Variants in TMEM108 observed in about 807,000 individuals in gnomAD.
TMEM108 encodes the protein cancer/testis antigen 124.
A neutral mutation model predicts 35.1 loss-of-function variants in TMEM108; 12 were observed. The observed-to-expected ratio is 0.34, with a 90% CI of 0.22 to 0.55. TMEM108 has a LOEUF of 0.55. Ranked by LOEUF, TMEM108 falls within the 20% of genes least tolerant of loss-of-function variation. The pLI, the probability that TMEM108 is intolerant of heterozygous loss-of-function variation, is 0.89. For synonymous variants in TMEM108, 287 were observed against 308.6 expected, an observed-to-expected ratio of 0.93 and a Z score of 0.73; for missense variants, 680 against 753.3, an observed-to-expected ratio of 0.90 and a Z score of 1.14.
At chr3:133,391,381 G>T (rs2073232533) in intron 5 of TMEM108, among the ~76,000 whole-genome samples, 2 of 152,156 alleles carry the variant, frequency 1.3e-5, no homozygotes, top group Admixed American at 1.3e-4. Flanking sequence ...TTCTTGTGGA[G>T]GTGCAACCCC....
At chr3:133,298,115 T>C (rs1336620602) in intron 3 of TMEM108, among the ~76,000 whole-genome samples, 1 of 152,070 alleles carries the variant, frequency 6.6e-6, no homozygotes, top group Non-Finnish European at 1.5e-5. Context: ...AGCAAGGAGG[T>C]GGCAGCCCCA....
intron 3 of TMEM108, among the ~76,000 whole-genome samples, chr3:133,248,829 C>T (rs570521277): frequency 2.5e-4 from 38 of 152,252 alleles, no homozygotes; most frequent in South Asian, 6.2e-4. Context: ...ATTATTATAG[C>T]AACTGTGAAA....
intron 3 of TMEM108, among the ~76,000 whole-genome samples, chr3:133,321,163 C>T (rs899457477): frequency 3.3e-5 from 5 of 152,264 alleles, no homozygotes; most frequent in Admixed American, 2.6e-4. Flanking sequence ...CAGTATGTCA[C>T]ATCTCAATAA....
At chr3:133,393,051 C>A (rs1199947511) in intron 5 of TMEM108, among the ~76,000 whole-genome samples, 1 of 152,178 alleles carries the variant, frequency 6.6e-6, no homozygotes, top group Non-Finnish European at 1.5e-5. Context: ...ACCTGAGCCC[C>A]CACCACACTT....
chr3:133,039,479 G>A (rs1943247554), intron 1 of TMEM108, among the ~76,000 whole-genome samples: 1 of 152,112 alleles, frequency 6.6e-6, no homozygotes, highest in African/African-American at 2.4e-5. Flanking sequence ...CGGGGGAGAT[G>A]GATTGTTGCC....
chr3:133,378,116 G>GA (rs914359720), intron 3 of TMEM108, among the ~76,000 whole-genome samples: 1 of 152,142 alleles, frequency 6.6e-6, no homozygotes, highest in Non-Finnish European at 1.5e-5. Context: ...TGAAAGTTTA[G>GA]AAAAAAATAG....
intron 2 of TMEM108, among the ~76,000 whole-genome samples, chr3:133,164,662 G>A (rs1945010880): frequency 6.6e-6 from 1 of 152,172 alleles, no homozygotes; most frequent in African/African-American, 2.4e-5. Flanking sequence ...TGACACAGTG[G>A]TGACTGTGGC....
At chr3:133,179,901 C>A (rs1165796909) in intron 2 of TMEM108, among the ~76,000 whole-genome samples, 10 of 151,372 alleles carry the variant, frequency 6.6e-5, no homozygotes, top group Admixed American at 2.0e-4. Flanking sequence ...AAAATGCAAC[C>A]CCTTATGAAT....
At chr3:133,376,051 A>G (rs778301227) in intron 3 of TMEM108, among the ~76,000 whole-genome samples, 4 of 152,242 alleles carry the variant, frequency 2.6e-5, no homozygotes, top group Admixed American at 6.5e-5. Context: ...AGAGAGAACA[A>G]TAACTTCAGG....
At position 133,166,805 on chromosome 3, in the gene TMEM108, G is replaced by A. The variant is rs151181428; in HGVS notation, c.-46-62461G>A. Among the ~76,000 whole-genome samples the A allele has an allele frequency of 9.0e-3, 1,378 of 152,328 alleles. 19 individuals are homozygous for A. Among genetic ancestry groups the A allele is most frequent in the African/African-American group, 0.031 (1,306 of 41,562 alleles). ...AGAGCTAAAGAACAAAGCTCCCACA[G>A]TGTGGAAGGGCACCTGAGTGGGTTG... is the stretch of plus-strand genomic sequence containing the variant. On this transcript the variant is annotated intron_variant, in intron 2 of 5. Transcript: ENST00000321871.
intron 3 of TMEM108, among the ~76,000 whole-genome samples, chr3:133,292,410 G>A (rs535454712): frequency 1.3e-5 from 2 of 152,154 alleles, no homozygotes; most frequent in Non-Finnish European, 2.9e-5. Flanking sequence ...TCCTCATTAG[G>A]CCCATTGCCA....
chr3:133,078,160 CACGCGCGCGCGCGCACACGTGTGTGTGT>C (rs1305759498), intron 2 of TMEM108, among the ~76,000 whole-genome samples: 1 of 23,168 alleles, frequency 4.3e-5, no homozygotes, highest in Admixed American at 4.5e-4. Flanking sequence ...TGTGTGTGTG[CACGCGCGCGCGCGCACACGTGTGTGTGT>C]ATATCTCAGA....
chr3:133,177,569 A>G (rs1157448988), intron 2 of TMEM108, among the ~76,000 whole-genome samples: 5 of 152,238 alleles, frequency 3.3e-5, no homozygotes, highest in Admixed American at 2.0e-4. Flanking sequence ...CAAAAACCAC[A>G]TGATTATCTC....
chr3:133,305,048 AC>A (rs1434015468), intron 3 of TMEM108, among the ~76,000 whole-genome samples: 1 of 151,932 alleles, frequency 6.6e-6, no homozygotes, highest in Non-Finnish European at 1.5e-5. Flanking sequence ...GCACCACTGC[AC>A]CCCCAGCCCA....
chr3:133,380,733 G>T lies in TMEM108; in HGVS notation c.1022G>T (p.Gly341Val), dbSNP rs2072986899. 1 of 1,613,930 alleles carries T rather than the reference G, an allele frequency of 6.2e-7. No individual in the cohort carries two copies. Among genetic ancestry groups the T allele is most frequent in the Admixed American group, 1.7e-5 (1 of 60,008 alleles). The stretch of plus-strand genomic sequence containing the variant: ...GACTCTTGGCTTACTGTTACCCCTG[G>T]CACCAGCAGACCTCTGTCTACCAGC... ...HSDSWLTVTP[G>V]TSRPLSTSSG... The change falls in exon 4 of 6, where the codon GGC becomes GTC. Residue 341 changes from glycine to valine, a missense_variant. Gly to Val is a moderately radical substitution (Grantham distance 109). This residue lies in a region of TMEM108 where 526 missense variants were observed against 532.1 expected (regional missense o/e 0.99). Coordinates refer to ENST00000321871, the MANE Select transcript of TMEM108 (RefSeq NM_023943.4). This position sits in a 1 kb window ranked among gnomAD's most constrained non-coding sequence, Gnocchi z 5.3.
chr3:133,163,557 C>G (rs1944992068), intron 2 of TMEM108, among the ~76,000 whole-genome samples: 1 of 152,064 alleles, frequency 6.6e-6, no homozygotes, highest in Admixed American at 6.5e-5. Flanking sequence ...TCTTGTTTGC[C>G]CTAGCCAGGC....
At chr3:133,195,482 G>A (rs1230098364) in intron 2 of TMEM108, among the ~76,000 whole-genome samples, 2 of 152,090 alleles carry the variant, frequency 1.3e-5, no homozygotes, top group African/African-American at 4.8e-5. Flanking sequence ...ATCCCGTCTG[G>A]AGGAAATTTT....
chr3:133,185,132 A>T (rs564474954), intron 2 of TMEM108, among the ~76,000 whole-genome samples: 2 of 152,332 alleles, frequency 1.3e-5, no homozygotes, highest in African/African-American at 4.8e-5. Flanking sequence ...AATTTATCCT[A>T]GATTCTACTT....
At chr3:133,051,115 T>C (rs769040422) in intron 2 of TMEM108, among the ~76,000 whole-genome samples, 4 of 152,130 alleles carry the variant, frequency 2.6e-5, no homozygotes, top group Non-Finnish European at 5.9e-5. Context: ...GACTAACATT[T>C]TGCATTCTCA....
Sources: allele counts gnomAD v4.1 joint callset (sites outside exome capture counted in the v4.1 genomes callset), GRCh38; gene constraint gnomAD v4.1.1; regional missense constraint gnomAD v4.1.1; non-coding constraint Gnocchi (gnomAD v3.1); transcripts MANE v1.5; gene names NCBI Gene and HGNC (gene_info 2026-07-23, HGNC 2026-07-21).